The following CEP350 variants were observed in gnomAD, a reference collection of about 807,000 sequenced individuals.
CEP350 encodes centrosomal protein 350.
CEP350 carries 126 observed loss-of-function variants against 331.8 expected under a neutral mutation model. The observed-to-expected ratio is 0.38, with a 90% CI of 0.33 to 0.44. The LOEUF (loss-of-function observed/expected upper bound fraction) is 0.44. Among genes scored for constraint, CEP350 ranks in the 20% least tolerant of loss-of-function variants. The pLI is 1.00. For missense variants in CEP350, 3,406 were observed against 3,634.6 expected, an observed-to-expected ratio of 0.94 and a Z score of 1.62; for synonymous variants, 1,200 against 1,259.5, an observed-to-expected ratio of 0.95 and a Z score of 1.00.
At chr1:180,060,862 A>G (rs1256764387) in intron 25 of CEP350, among the ~76,000 whole-genome samples, 2 of 151,746 alleles carry the variant, frequency 1.3e-5, no homozygotes, top group African/African-American at 2.4e-5. Context: ...TTTTTTTTGC[A>G]GATAAGCACA....
intron 20 of CEP350, among the ~76,000 whole-genome samples, chr1:180,043,678 G>T (rs1656915671): frequency 6.6e-6 from 1 of 152,140 alleles, no homozygotes; most frequent in South Asian, 2.1e-4. Context: ...TCAAGGTATA[G>T]GACCTTGCAG....
intron 13 of CEP350, 70 bp from the exon 14 acceptor site, chr1:180,024,349 T>A (rs185634673): frequency 1.5e-4 from 214 of 1,380,962 alleles, no homozygotes; most frequent in Admixed American, 2.7e-4. Context: ...CATAGATTTT[T>A]AAATATCTTT....
chr1:180,016,661 T>TTG (rs1654997689), intron 11 of CEP350, among the ~76,000 whole-genome samples: 1 of 11,286 alleles, frequency 8.9e-5, no homozygotes, highest in Admixed American at 1.7e-3. Context: ...TTGGGTTATG[T>TTG]TTTTTTTTTT....
intron 1 of CEP350, among the ~76,000 whole-genome samples, chr1:179,967,134 G>C (rs1651075732): frequency 6.6e-6 from 1 of 152,164 alleles, no homozygotes; most frequent in African/African-American, 2.4e-5. Flanking sequence ...GTGTACAGTT[G>C]CTCTATTTTT....
Position 180,054,444 on chromosome 1 carries a change from A to G in CEP350, c.5204A>G (p.Lys1735Arg). 6.3e-7 allele frequency: 1 copy of G among 1,599,720 alleles called. No homozygotes were observed. Among genetic ancestry groups the G allele is most frequent in the Non-Finnish European group, 8.5e-7 (1 of 1,172,824 alleles). The change falls in exon 25 of 38, where the codon AAA (lysine) becomes AGA (arginine). Residue 1735 changes from lysine (K) to arginine (R), a missense_variant. This residue lies in a region of CEP350 where 104 missense variants were observed against 143.3 expected (regional missense o/e 0.73). Transcript: ENST00000367607. ...CTACGAGACAAAGGAGAGGATGATA[A>G]AATGCCCCCGCTCCGGAAGAAACAG... ...KHLRDKGEDD[K>R]MPPLRKKQRG...
chr1:179,996,443 C>G, intron 5 of CEP350, 110 bp from the exon 6 acceptor site: 1 of 736,500 alleles, frequency 1.4e-6, no homozygotes, highest in Non-Finnish European at 2.2e-6. Flanking sequence ...CATGTATTAC[C>G]TCATTCTTAT....
chr1:180,091,347 A>G (rs1332816680), intron 33 of CEP350, among the ~76,000 whole-genome samples: 1 of 152,122 alleles, frequency 6.6e-6, no homozygotes, highest in African/African-American at 2.4e-5. Context: ...CAGCTGAATC[A>G]GTCTTTATTG....
At chr1:180,050,995 G>A (rs1375866911) in intron 22 of CEP350, among the ~76,000 whole-genome samples, 1 of 152,136 alleles carries the variant, frequency 6.6e-6, no homozygotes, top group Non-Finnish European at 1.5e-5. Context: ...TGTCTTGTAA[G>A]ACTTAACCAT....
In CEP350 at chr1:180,053,750, G is replaced by T; in HGVS notation, c.4990G>T (p.Glu1664Ter). The stretch of plus-strand genomic sequence containing the variant: ...ACAAGAAAGAAACCATCTACTTTAG[G>T]AACTGAACATGCCATTCTCAGGAGG... ...PEKTTLSTAK[E>*]LNMPFSGGQD... is the part of the protein sequence containing the mutation. The change falls in exon 24 of 38, where the codon GAA becomes TAA. Residue 1664 changes from glutamate to a stop codon, truncating the protein, a stop_gained and splice_region_variant. Transcript: ENST00000367607. LOFTEE classifies it high-confidence loss of function. The T allele has an allele frequency of 6.5e-7, 1 of 1,549,084 alleles. No homozygotes were observed. The highest frequency in any genetic ancestry group is 1.2e-5 in the South Asian group (1 of 81,398).
intron 8 of CEP350, among the ~76,000 whole-genome samples, chr1:180,008,190 G>A (rs761382791): frequency 6.6e-6 from 1 of 152,124 alleles, no homozygotes; most frequent in African/African-American, 2.4e-5. Context: ...GTATTAGTCA[G>A]GTGGAAGTCT....
At chr1:180,045,141 A>G (rs1657039371) in intron 21 of CEP350, among the ~76,000 whole-genome samples, 1 of 152,168 alleles carries the variant, frequency 6.6e-6, no homozygotes, top group East Asian at 1.9e-4. Context: ...TAGGAGTTCA[A>G]GACCAGCCTG....
intron 8 of CEP350, among the ~76,000 whole-genome samples, chr1:180,009,664 T>G (rs1165471657): frequency 1.3e-5 from 2 of 152,204 alleles, no homozygotes; most frequent in African/African-American, 4.8e-5. Flanking sequence ...ATGGTTGCTT[T>G]TGATTCAGAA....
At chr1:180,099,169 A>G (rs774666871) in intron 37 of CEP350, among the ~76,000 whole-genome samples, 184 bp downstream of exon 37, 1 of 152,204 alleles carries the variant, frequency 6.6e-6, no homozygotes, top group Non-Finnish European at 1.5e-5. Context: ...TACTCAGTAG[A>G]TGAACATTTA....
chr1:179,969,129 AG>A, intron 1 of CEP350: 1 of 656,584 alleles, frequency 1.5e-6, no homozygotes, highest in South Asian at 1.4e-5. Context: ...TGCAACAATA[AG>A]GAAGCTCACT....
Position 179,963,807 on chromosome 1 carries a change from C to T in CEP350, c.-14+8665C>T, listed in dbSNP as rs185706480. ...GCTGTGTTCTTTTTGCTTGGCTATT[C>T]AGGCTCTTTTTTGGTTCCATATGAA... On this transcript the variant is annotated intron_variant, in intron 1 of 37. Coordinates refer to ENST00000367607, the MANE Select transcript of CEP350 (RefSeq NM_014810.5). Among the ~76,000 whole-genome samples, 7 of 151,860 alleles carry T rather than the reference C, an allele frequency of 4.6e-5. No homozygotes were observed. The East Asian group carries it at 1.4e-3, about 29-fold the overall frequency.
At chr1:180,107,916 T>G (rs550141393) in intron 37 of CEP350, among the ~76,000 whole-genome samples, 1 of 152,298 alleles carries the variant, frequency 6.6e-6, no homozygotes, top group Non-Finnish European at 1.5e-5. Context: ...AATGTATTAA[T>G]TTTTACATAT....
intron 21 of CEP350, among the ~76,000 whole-genome samples, chr1:180,044,528 G>A (rs1656987707): frequency 6.6e-6 from 1 of 151,688 alleles, no homozygotes; most frequent in Admixed American, 6.6e-5. Context: ...TCCTTTGTAG[G>A]GACATGGATG....
chr1:180,079,774 G>A (rs1471226680), intron 29 of CEP350, among the ~76,000 whole-genome samples: 2 of 151,970 alleles, frequency 1.3e-5, no homozygotes, highest in Non-Finnish European at 2.9e-5. Flanking sequence ...TATTGATGAG[G>A]CTTGGAATAG....
chr1:179,987,934 CAATAAT>C (rs546756597), intron 3 of CEP350, among the ~76,000 whole-genome samples: 11 of 151,408 alleles, frequency 7.3e-5, no homozygotes, highest in Non-Finnish European at 1.3e-4. Context: ...GACCCTGTCT[CAATAAT>C]AATAATAATA....
Sources: allele counts gnomAD v4.1 joint callset (sites outside exome capture counted in the v4.1 genomes callset), GRCh38; gene constraint gnomAD v4.1.1; regional missense constraint gnomAD v4.1.1; transcripts MANE v1.5; gene names NCBI Gene and HGNC (gene_info 2026-07-23, HGNC 2026-07-21).